The following ETV3 variants were observed in gnomAD, a reference collection of about 807,000 sequenced individuals.
ETV3 encodes ETS variant transcription factor 3.
A neutral mutation model predicts 33.0 loss-of-function variants in ETV3; 8 were observed. That is an observed-to-expected ratio of 0.24 (90% CI 0.14 to 0.44). ETV3 has a LOEUF of 0.44. Ranked by LOEUF, ETV3 falls within the 20% of genes least tolerant of loss-of-function variation. The probability of loss-of-function intolerance (pLI) is 1.00; values close to 1 mark genes in which losing one functional copy is unlikely to be tolerated. For missense variants in ETV3, 473 were observed against 652.3 expected (o/e 0.73, Z 2.99); for synonymous variants, 222 against 238.9 (o/e 0.93, Z 0.65).
chr1:157,126,994 CTG>C (rs1351983611), intron 4 of ETV3, among the ~76,000 whole-genome samples: 1 of 151,160 alleles, frequency 6.6e-6, no homozygotes, highest in Non-Finnish European at 1.5e-5. Context: ...CCCTGGCTGA[CTG>C]TGGGGAGGGG....
chr1:157,126,077 A>G (rs1319637150), intron 4 of ETV3, 98 bp from the exon 5 acceptor site: 1 of 1,101,142 alleles, frequency 9.1e-7, no homozygotes, highest in Non-Finnish European at 1.3e-6. Context: ...TAGTAACAGG[A>G]AACAATCATT....
At chr1:157,137,784 G>A (rs899254697) in intron 1 of ETV3, among the ~76,000 whole-genome samples, 1 of 152,034 alleles carries the variant, frequency 6.6e-6, no homozygotes, top group Non-Finnish European at 1.5e-5. Context: ...AACCTGACAA[G>A]GAAACCCTCT....
intron 1 of ETV3, 147 bp from the exon 2 acceptor site, chr1:157,136,512 A>T: frequency 1.5e-6 from 1 of 672,166 alleles, no homozygotes. Flanking sequence ...GTCACCTCCA[A>T]ACTGCTACTC....
At chr1:157,133,483 A>G in intron 4 of ETV3, 6 of 985,822 alleles carry the variant, frequency 6.1e-6, no homozygotes, top group Non-Finnish European at 7.2e-6. Flanking sequence ...CAACATCAAG[A>G]GAGAATGTGG....
At position 157,129,929 on chromosome 1, in the gene ETV3, C is replaced by T. The variant is rs572972503; in HGVS notation, c.401-3950G>A. ...CACCATCTCAGCTCACTGCAACCTC[C>T]GCCTCCCAGGTTCAAGCAATTCTTC... On this transcript the variant is annotated intron_variant, in intron 4 of 4. Coordinates refer to ENST00000368192, the MANE Select transcript of ETV3 (RefSeq NM_001145312.3). Among the ~76,000 whole-genome samples the T allele has an allele frequency of 4.5e-4, 69 of 152,094 alleles. 1 individual carries two copies. In the Middle Eastern group the frequency reaches 0.014, roughly 30 times the overall value.
Position 157,123,651 on chromosome 1 carries a change from G to A in ETV3, c.*1190C>T, listed in dbSNP as rs747969227. The A allele has an allele frequency of 6.6e-6, 1 of 152,166 alleles. No individual in the cohort carries two copies. Among genetic ancestry groups the A allele is most frequent in the Non-Finnish European group, 1.5e-5 (1 of 68,036 alleles). The allele number at this position is 152,166 out of a possible 1,614,324, so 9.4% of individuals were successfully genotyped here. On this transcript the variant is annotated 3_prime_UTR_variant, in exon 5 of 5. Transcript: ENST00000368192. ...ATTGGCTCTTAACTCCCACAAGCCT[G>A]CCTTTTGGCTACCCATCCCAACAAT... is the stretch of plus-strand genomic sequence containing the variant.
At chr1:157,133,564 G>A (rs1675023294) in intron 4 of ETV3, 2 of 986,462 alleles carry the variant, frequency 2.0e-6, no homozygotes, top group Admixed American at 6.1e-5. Flanking sequence ...CAGGAGAGAA[G>A]GTCAAGTAAC....
At chr1:157,130,583 T>C (rs150269732) in intron 4 of ETV3, among the ~76,000 whole-genome samples, 226 of 152,316 alleles carry the variant, frequency 1.5e-3, no homozygotes, top group African/African-American at 5.3e-3. Flanking sequence ...CAAAATGGAA[T>C]TCATAAGGTC....
In ETV3 at chr1:157,134,241, A is replaced by T; in HGVS notation, c.285-14T>A. ...TTGTAATAGTATCTGTAAAAACAGG[A>T]ATACATGTCCATTCGTCTTGTAGCT... On this transcript the variant is annotated splice_polypyrimidine_tract_variant and intron_variant, in intron 3 of 4. Coordinates refer to ENST00000368192, the MANE Select transcript of ETV3 (RefSeq NM_001145312.3). 1 of 1,609,910 alleles carries T rather than the reference A, an allele frequency of 6.2e-7. No homozygotes were observed. The highest frequency in any genetic ancestry group is 8.5e-7 in the Non-Finnish European group (1 of 1,178,704).
chr1:157,133,515 A>G, intron 4 of ETV3: 2 of 985,952 alleles, frequency 2.0e-6, no homozygotes, highest in Non-Finnish European at 2.4e-6. Flanking sequence ...GGAAAGCTAT[A>G]ACCAGGAAAG....
At position 157,124,861 on chromosome 1, in the gene ETV3, T is replaced by A. The variant is rs1329061133; in HGVS notation, c.1519A>T (p.Thr507Ser). 8.5e-6 allele frequency: 13 copies of A among 1,535,618 alleles called. No individual in the cohort carries two copies. Among genetic ancestry groups the A allele is most frequent in the East Asian group, 7.5e-5 (3 of 40,180 alleles). The change falls in exon 5 of 5, where the codon ACA (threonine) becomes TCA (serine). Residue 507 changes from threonine to serine, a missense_variant. Thr to Ser is a moderately conservative substitution (Grantham distance 58). Transcript: ENST00000368192. Reference protein sequence around the residue: ...WNGSGPQGLATAAADA With the variant: ...WNGSGPQGLASAAADA Reference sequence around the variant, plus strand: ...CAGTTCTAAGCATCAGCAGCTGCTGTTGCCAAGCCCTGGGGTCCTGACCCA... The same window carrying A: ...CAGTTCTAAGCATCAGCAGCTGCTGATGCCAAGCCCTGGGGTCCTGACCCA...
chr1:157,136,260 C>A, intron 2 of ETV3, 47 bp downstream of exon 2: 1 of 1,581,314 alleles, frequency 6.3e-7, no homozygotes, highest in East Asian at 2.2e-5. Flanking sequence ...ACAGGAACCA[C>A]TGAGGGAAGC....
chr1:157,136,278 T>C, intron 2 of ETV3, 29 bp downstream of exon 2: 1 of 1,608,596 alleles, frequency 6.2e-7, no homozygotes, highest in Non-Finnish European at 8.5e-7. Context: ...AGCTTCCAGG[T>C]ACATCAGAGA....
At position 157,125,745 on chromosome 1, in the gene ETV3, C is replaced by T. The variant is rs1674821045; in HGVS notation, c.635G>A (p.Arg212Lys). Residue 212 changes from arginine to lysine, a missense_variant, in exon 5 of 5, where the codon AGG becomes AAG. By Grantham distance (26) the Arg-to-Lys change is conservative. Around this residue, in one of 3 missense-constraint regions of ETV3, gnomAD observed 410 missense variants for 520.2 expected, o/e 0.79. Transcript: ENST00000368192. This position sits in a 1 kb window ranked among gnomAD's most constrained non-coding sequence, Gnocchi z 4.0. The part of the protein sequence containing the change: ...WRRGVDPVSS[R>K]NAIGGGGIGH... ...AATCCCTCCTCCACCAATGGCATTC[C>T]TGGAGGACACGGGATCCACACCCCG... The T allele has an allele frequency of 2.6e-6, 4 of 1,551,616 alleles. No individual in the cohort carries two copies. In the African/African-American group the frequency reaches 4.1e-5, roughly 16 times the overall value.
chr1:157,128,637 T>C, intron 4 of ETV3: 1 of 213,748 alleles, frequency 4.7e-6, no homozygotes, highest in Non-Finnish European at 9.9e-6. Flanking sequence ...AGGGCAGACT[T>C]GATAGATTAT....
chr1:157,135,523 G>A lies in ETV3; in HGVS notation c.232C>T (p.Arg78Cys), dbSNP rs758099773. 45 of 1,613,822 alleles carry A rather than the reference G, an allele frequency of 2.8e-5. No individual in the cohort carries two copies. The highest frequency in any genetic ancestry group is 4.0e-5 in the African/African-American group (3 of 74,848). ...TTCATCTGTGGTTTGCATTTCCTGC[G>A]GCCCCAGAGGCGGGCCACCTCATCT... ...DPDEVARLWG[R>C]RKCKPQMNYD... is the part of the protein sequence containing the mutation. The change falls in exon 3 of 5, where the codon CGC becomes TGC. Residue 78 changes from arginine to cysteine, a missense_variant. Physicochemically the swap from Arg to Cys is radical, Grantham distance 180. This residue lies in a region of ETV3 where 30 missense variants were observed against 94.9 expected (regional missense o/e 0.32). Transcript: ENST00000368192.
At chr1:157,136,532 T>C (rs894583542) in intron 1 of ETV3, among the ~76,000 whole-genome samples, 167 bp from the exon 2 acceptor site, 2 of 152,218 alleles carry the variant, frequency 1.3e-5, no homozygotes, top group Non-Finnish European at 2.9e-5. Flanking sequence ...CCCCAAGTTA[T>C]CAAATGATGG....
chr1:157,135,359 C>T (rs984305699), intron 3 of ETV3, 112 bp downstream of exon 3: 3 of 1,280,330 alleles, frequency 2.3e-6, no homozygotes, highest in East Asian at 4.6e-5. Context: ...ACACATTATT[C>T]ACTAAGATAG....
rs1674778703 is a variant in ETV3 at position 157,124,537 on chromosome 1, T to C, written c.*304A>G. 4.1e-6 allele frequency: 1 copy of C among 246,472 alleles called. No homozygotes were observed. Among genetic ancestry groups the C allele is most frequent in the Non-Finnish European group, 7.7e-6 (1 of 129,490 alleles). 15.3% of individuals were successfully genotyped at this position (246,472 alleles called of 1,614,324 possible). A position where few individuals can be genotyped will look rare whatever the true frequency, so the allele number is the denominator to read the frequency against. On this transcript the variant is annotated 3_prime_UTR_variant, in exon 5 of 5. Transcript: ENST00000368192. Reference sequence around the variant, plus strand: ...CTGACTATCATGGGACCAAAAAGTATCTTGGCCCTTTGGGAGTTTCCTTGT... The same window carrying C: ...CTGACTATCATGGGACCAAAAAGTACCTTGGCCCTTTGGGAGTTTCCTTGT...
Sources: gnomAD v4.1 joint callset for allele counts (sites outside exome capture counted in the v4.1 genomes callset) on GRCh38, gnomAD v4.1.1 for gene constraint, gnomAD v4.1.1 regional missense constraint, Gnocchi (gnomAD v3.1) non-coding constraint, MANE v1.5 for transcripts, NCBI Gene and HGNC (gene_info 2026-07-23, HGNC 2026-07-21) for gene names.